Variants in CFLAR observed in about 807,000 individuals in gnomAD.
CFLAR encodes the protein CASP8 and FADD like apoptosis regulator, also known as CASP8 and FADD-like apoptosis regulator.
A neutral mutation model predicts 51.1 loss-of-function variants in CFLAR; 14 were observed. The ratio of observed to expected loss-of-function variants is 0.27; its 90% CI spans 0.18 to 0.43. The LOEUF is 0.43. CFLAR is among the 20% of genes least tolerant of loss of function. CFLAR has a pLI of 1.00. For synonymous variants in CFLAR, 210 were observed against 211.6 expected, an observed-to-expected ratio of 0.99 and a Z score of 0.06; for missense variants, 390 against 566.5, an observed-to-expected ratio of 0.69 and a Z score of 3.16.
In CFLAR at chr2:201,169,049, A is replaced by G. The variant is rs977547332; in HGVS notation, c.*5076A>G. The G allele has an allele frequency of 1.3e-5, 2 of 152,180 alleles. No homozygotes were observed. The highest frequency in any genetic ancestry group is 2.9e-5 in the Non-Finnish European group (2 of 68,028). The allele number at this position is 152,180 out of a possible 1,614,324, so 9.4% of individuals were successfully genotyped here. On this transcript the variant is annotated 3_prime_UTR_variant, in exon 10 of 10. Transcript: ENST00000309955. The stretch of plus-strand genomic sequence containing the variant: ...GGCCATACTACCCAAAGTAATTTAT[A>G]GGTTCATTGCTATTCCCATTAAACT...
At chr2:201,130,358 T>C (rs2049153865) in intron 2 of CFLAR, among the ~76,000 whole-genome samples, 2 of 123,638 alleles carry the variant, frequency 1.6e-5, no homozygotes, top group South Asian at 2.9e-4. Flanking sequence ...TCTTTCTTTT[T>C]TTTTTTTTTT....
At chr2:201,125,851 T>G (rs1331702842) in intron 1 of CFLAR, among the ~76,000 whole-genome samples, 1 of 151,706 alleles carries the variant, frequency 6.6e-6, no homozygotes, top group Non-Finnish European at 1.5e-5. Context: ...CTACTGGAGG[T>G]GTAGGAGTGG....
intron 2 of CFLAR, 41 bp downstream of exon 2, chr2:201,130,187 G>GGGGGGGGGGGGGGGGGGGGGGGCA: frequency 3.4e-6 from 1 of 292,392 alleles, no homozygotes. Context: ...GGGTGGGAGG[G>GGGGGGGGGGGGGGGGGGGGGGGCA]AGTGAAGTGT....
Position 201,171,349 on chromosome 2 carries a change from A to C in CFLAR, c.*7376A>C, listed in dbSNP as rs745829871. 1 of 152,066 alleles carries C rather than the reference A, an allele frequency of 6.6e-6. No individual in the cohort carries two copies. The highest frequency in any genetic ancestry group is 2.4e-5 in the African/African-American group (1 of 41,378). 9.4% of individuals were successfully genotyped at this position (152,066 alleles called of 1,614,324 possible). A position where few individuals can be genotyped will look rare whatever the true frequency, so the allele number is the denominator to read the frequency against. On this transcript the variant is annotated 3_prime_UTR_variant, in exon 10 of 10. Transcript: ENST00000309955. ...AAAGGAATGAGATCATGTCCTTTGCAGGGACATGGATGAAGCTGGAAGCCA... is the reference window on the plus strand; with the variant it reads ...AAAGGAATGAGATCATGTCCTTTGCCGGGACATGGATGAAGCTGGAAGCCA...
chr2:201,148,262 T>C (rs1940630163), intron 6 of CFLAR: 1 of 152,174 alleles, frequency 6.6e-6, no homozygotes, highest in South Asian at 2.1e-4. Flanking sequence ...ATTATACATA[T>C]TTTTAATAAT....
chr2:201,151,884 G>A (rs1366227728), intron 8 of CFLAR, among the ~76,000 whole-genome samples: 1 of 152,078 alleles, frequency 6.6e-6, no homozygotes, highest in South Asian at 2.1e-4. Context: ...CATGATCAGA[G>A]TTGAGAAATG....
Position 201,124,367 on chromosome 2 carries a change from C to T in CFLAR, c.-137-5362C>T, listed in dbSNP as rs2048482096. Among the ~76,000 whole-genome samples, 1 of 152,168 alleles carries T rather than the reference C, an allele frequency of 6.6e-6. No individual in the cohort carries two copies. The highest frequency in any genetic ancestry group is 1.5e-5 in the Non-Finnish European group (1 of 68,030). ...TTGTTTTTCGAGACGGAGTTTCACT[C>T]TTGTTGCCCAGGCTGGAGTGCAGTG... On this transcript the variant is annotated intron_variant, in intron 1 of 9. Transcript: ENST00000309955. This position sits in a 1 kb window ranked among gnomAD's most constrained non-coding sequence, Gnocchi z 4.7.
chr2:201,119,714 T>C (rs747832182), intron 1 of CFLAR, among the ~76,000 whole-genome samples: 1 of 152,170 alleles, frequency 6.6e-6, no homozygotes, highest in Non-Finnish European at 1.5e-5. Flanking sequence ...TGTACTGTAA[T>C]GCATTTTCTT....
At position 201,130,353 on chromosome 2, in the gene CFLAR, CTTTTTTTTT is replaced by C. The variant is rs771361555; in HGVS notation, c.281+225_281+233del. ...TTTCTTGCTTTCTTTTTCTTTCTTT[CTTTTTTTTT>C]TTTTTTTTTTTTTTTTTGAGACAGA... On this transcript the variant is annotated intron_variant, in intron 2 of 9. Transcript: ENST00000309955. Among the ~76,000 whole-genome samples, 179 of 92,276 alleles carry C rather than the reference CTTTTTTTTT, an allele frequency of 1.9e-3. 1 individual carries two copies. The highest frequency in any genetic ancestry group is 7.3e-3 in the African/African-American group (151 of 20,742). 60.5% of individuals were successfully genotyped at this position (92,276 alleles called of 152,430 possible).
Position 201,169,506 on chromosome 2 carries a change from G to A in CFLAR, c.*5533G>A, listed in dbSNP as rs1442513111. On this transcript the variant is annotated 3_prime_UTR_variant, in exon 10 of 10. Coordinates refer to ENST00000309955, the MANE Select transcript of CFLAR (RefSeq NM_003879.7). ...AAAACCTAAAACTATAAAAACCCTA[G>A]AAGAAAATCTATTTAATACCATTCA... is the stretch of plus-strand genomic sequence containing the variant. 2.0e-5 allele frequency: 3 copies of A among 152,048 alleles called. No homozygotes were observed. The East Asian group carries it at 5.8e-4, about 29-fold the overall frequency. The allele number at this position is 152,048 out of a possible 1,614,324, so 9.4% of individuals were successfully genotyped here.
At position 201,118,513 on chromosome 2, in the gene CFLAR, A is replaced by C. The variant is rs2047841573; in HGVS notation, c.-138+2032A>C. 1 of 152,248 alleles carries C rather than the reference A, an allele frequency of 6.6e-6. No homozygotes were observed. Among genetic ancestry groups the C allele is most frequent in the Non-Finnish European group, 1.5e-5 (1 of 68,076 alleles). 9.4% of individuals were successfully genotyped at this position (152,248 alleles called of 1,614,324 possible). On this transcript the variant is annotated intron_variant, in intron 1 of 9. Coordinates refer to ENST00000309955, the MANE Select transcript of CFLAR (RefSeq NM_003879.7). The surrounding 1 kb of genome is among the most constrained non-coding windows in gnomAD (Gnocchi z 5.1). ...CCCCACTCAGTCCTGGTGGGGTCGC[A>C]CGTAACGGTCCTGAGCTATGCATAA...
chr2:201,142,901 G>C (rs1443641111), intron 5 of CFLAR: 1 of 152,116 alleles, frequency 6.6e-6, no homozygotes, highest in Non-Finnish European at 1.5e-5. Flanking sequence ...ACTTGGCCTA[G>C]CATATATTTT....
At chr2:201,144,851 T>C (rs981872487) in intron 5 of CFLAR, among the ~76,000 whole-genome samples, 2 of 152,220 alleles carry the variant, frequency 1.3e-5, no homozygotes, top group Non-Finnish European at 2.9e-5. Context: ...CTTTTCTTTT[T>C]TTTTAATTTT....
chr2:201,129,832 A>T lies in CFLAR; in HGVS notation c.-34A>T, dbSNP rs1440491170. 15 of 1,606,326 alleles carry T rather than the reference A, an allele frequency of 9.3e-6. No homozygotes were observed. The East Asian group carries it at 2.9e-4, about 31-fold the overall frequency. ...TTGACTGGCCCGGAGCTGTACTGCAAGACCCTTGTGAGCTTCCCTAGTCTA... is the reference window on the plus strand; with the variant it reads ...TTGACTGGCCCGGAGCTGTACTGCATGACCCTTGTGAGCTTCCCTAGTCTA... On this transcript the variant is annotated 5_prime_UTR_variant, in exon 2 of 10. It adds an upstream start codon to the 5' untranslated region. Coordinates refer to ENST00000309955, the MANE Select transcript of CFLAR (RefSeq NM_003879.7).
intron 1 of CFLAR, among the ~76,000 whole-genome samples, chr2:201,127,794 C>A (rs187716848): frequency 1.3e-5 from 2 of 152,288 alleles, no homozygotes; most frequent in East Asian, 3.9e-4. Context: ...ATTTTGCTGC[C>A]AAACTCTACC....
chr2:201,124,340 T>C lies in CFLAR; in HGVS notation c.-137-5389T>C, dbSNP rs2048478739. The stretch of plus-strand genomic sequence containing the variant: ...AATAGAGGTGTTTTGTTTTGTTTTG[T>C]TTTGTTTTTCGAGACGGAGTTTCAC... On this transcript the variant is annotated intron_variant, in intron 1 of 9. Transcript: ENST00000309955. This position sits in a 1 kb window ranked among gnomAD's most constrained non-coding sequence, Gnocchi z 4.7. 6.6e-6 allele frequency among the ~76,000 whole-genome samples: 1 copy of C among 152,166 alleles called. No individual in the cohort carries two copies. Among genetic ancestry groups the C allele is most frequent in the South Asian group, 2.1e-4 (1 of 4,830 alleles).
In CFLAR at chr2:201,166,707, G is replaced by A. The variant is rs1474724936; in HGVS notation, c.*2734G>A. On this transcript the variant is annotated 3_prime_UTR_variant, in exon 10 of 10. Coordinates refer to ENST00000309955, the MANE Select transcript of CFLAR (RefSeq NM_003879.7). ...GCACTGAGTGGACGAGACTCTGCCC[G>A]CAATCCCGGCACCTCGGGAGGCCGA... is the stretch of plus-strand genomic sequence containing the variant. 2 of 170,378 alleles carry A rather than the reference G, an allele frequency of 1.2e-5. No homozygotes were observed. Among genetic ancestry groups the A allele is most frequent in the African/African-American group, 2.4e-5 (1 of 41,824 alleles). 10.6% of individuals were successfully genotyped at this position (170,378 alleles called of 1,614,324 possible).
chr2:201,133,685 C>G (rs1446504173), intron 3 of CFLAR, among the ~76,000 whole-genome samples: 1 of 152,022 alleles, frequency 6.6e-6, no homozygotes, highest in African/African-American at 2.4e-5. Context: ...AATCCCAGCA[C>G]TTTGGGGGGC....
In CFLAR at chr2:201,138,279, G is replaced by T; in HGVS notation, c.524-2078G>T. On this transcript the variant is annotated intron_variant, in intron 4 of 9. Transcript: ENST00000309955. This position sits in a 1 kb window ranked among gnomAD's most constrained non-coding sequence, Gnocchi z 4.0. ...ACATTGACGCCTACCTGGGTGAGCAGGTCCAGGTGGTATTTGTCATCCTCA... is the reference window on the plus strand; with the variant it reads ...ACATTGACGCCTACCTGGGTGAGCATGTCCAGGTGGTATTTGTCATCCTCA... 1 of 793,508 alleles carries T rather than the reference G, an allele frequency of 1.3e-6. No homozygotes were observed. The highest frequency in any genetic ancestry group is 2.3e-6 in the Non-Finnish European group (1 of 436,022). 49.2% of individuals were successfully genotyped at this position (793,508 alleles called of 1,614,324 possible). A position where few individuals can be genotyped will look rare whatever the true frequency, so the allele number is the denominator to read the frequency against.
Sources: allele counts gnomAD v4.1 joint callset (sites outside exome capture counted in the v4.1 genomes callset), GRCh38; gene constraint gnomAD v4.1.1; non-coding constraint Gnocchi (gnomAD v3.1); transcripts MANE v1.5; gene names NCBI Gene and HGNC (gene_info 2026-07-23, HGNC 2026-07-21).